Variants in CHMP7 observed in about 807,000 individuals in gnomAD.
CHMP7 encodes the protein CHMP family, member 7.
Under a neutral mutation model 53.7 loss-of-function variants are expected in CHMP7, and 15 were observed. That is an observed-to-expected ratio of 0.28 (90% CI 0.19 to 0.43). The LOEUF (loss-of-function observed/expected upper bound fraction) is 0.43, where lower values mean the gene tolerates loss of function less well. Ranked by LOEUF, CHMP7 falls within the 20% of genes least tolerant of loss-of-function variation. CHMP7 has a pLI of 1.00. For missense variants in CHMP7, 527 were observed against 569.4 expected (o/e 0.93, Z 0.76); for synonymous variants, 261 against 228.0 (o/e 1.14, Z -1.30).
chr8:23,248,897 TG>T (rs1801813317), intron 2 of CHMP7, among the ~76,000 whole-genome samples: 1 of 152,228 alleles, frequency 6.6e-6, no homozygotes, highest in Non-Finnish European at 1.5e-5. Context: ...GTGTTTCTGT[TG>T]CCTTAGTGGA....
intron 3 of CHMP7, among the ~76,000 whole-genome samples, chr8:23,250,620 C>CTGTGTGTGTGTGTG (rs59970101): frequency 5.6e-5 from 8 of 143,298 alleles, no homozygotes; most frequent in African/African-American, 2.1e-4. Context: ...TGATAGGGGC[C>CTGTGTGTGTGTGTG]TGTGTGTGTG....
chr8:23,246,615 A>G lies in CHMP7; in HGVS notation c.-81A>G, dbSNP rs1406306943. 10 of 1,248,558 alleles carry G rather than the reference A, an allele frequency of 8.0e-6. No individual in the cohort carries two copies. The highest frequency in any genetic ancestry group is 1.5e-5 in the African/African-American group (1 of 67,088). 77.3% of individuals were successfully genotyped at this position (1,248,558 alleles called of 1,614,324 possible). A position where few individuals can be genotyped will look rare whatever the true frequency, so the allele number is the denominator to read the frequency against. On this transcript the variant is annotated 5_prime_UTR_variant, in exon 2 of 11. Transcript: ENST00000397677. ...GTGAACGAGAAGGAGGTGGTCAAGG[A>G]ACGGAAGCCGGGAGGGAACGAGGGC... is the stretch of plus-strand genomic sequence containing the variant.
At position 23,260,281 on chromosome 8, in the gene CHMP7, G is replaced by A. The variant is rs1472107196; in HGVS notation, c.1258G>A (p.Glu420Lys). ...SVPNPRISDA[E>K]LEAELEKLSL... is the part of the protein sequence containing the mutation. ...GCCTAACCCTAGGATCTCAGATGCT[G>A]AACTTGAAGCTGAACTTGAGAAACT... Residue 420 changes from glutamate (E) to lysine (K), a missense_variant, in exon 10 of 11, where the codon GAA (glutamate) becomes AAA (lysine). Transcript: ENST00000397677. 6.2e-7 allele frequency: 1 copy of A among 1,614,170 alleles called. No individual in the cohort carries two copies. Among genetic ancestry groups the A allele is most frequent in the Non-Finnish European group, 8.5e-7 (1 of 1,180,014 alleles).
At chr8:23,247,752 T>C (rs1269812864) in intron 2 of CHMP7, among the ~76,000 whole-genome samples, 1 of 152,150 alleles carries the variant, frequency 6.6e-6, no homozygotes, top group Non-Finnish European at 1.5e-5. Flanking sequence ...TCAAGTGACT[T>C]ACTCAGAGTT....
At position 23,255,335 on chromosome 8, in the gene CHMP7, G is replaced by A; in HGVS notation, c.560G>A (p.Cys187Tyr). Residue 187 changes from cysteine (C) to tyrosine (Y), a missense_variant, in exon 4 of 11, where the codon TGT becomes TAT. By Grantham distance (194) the Cys-to-Tyr change is radical (BLOSUM62 -2). Transcript: ENST00000397677. ...VVALSELSTL[C>Y]ANSCPDERTF... ...GCCCTGTCAGAGCTCAGCACCCTCT[G>A]TGCTAACTCCTGCCCAGATGAGAGG... The A allele has an allele frequency of 5.6e-6, 9 of 1,614,192 alleles. No individual in the cohort carries two copies. Among genetic ancestry groups the A allele is most frequent in the Non-Finnish European group, 7.6e-6 (9 of 1,180,040 alleles).
chr8:23,261,753 C>G lies in CHMP7; in HGVS notation c.*1154C>G, dbSNP rs1038128876. 2.0e-5 allele frequency: 3 copies of G among 152,722 alleles called. No individual in the cohort carries two copies. The highest frequency in any genetic ancestry group is 1.9e-4 in the East Asian group (1 of 5,172). The allele number at this position is 152,722 out of a possible 1,614,324, so 9.5% of individuals were successfully genotyped here. On this transcript the variant is annotated 3_prime_UTR_variant, in exon 11 of 11. Transcript: ENST00000397677. ...TCTGGCAATGGCGAGAAGAAGCGAT[C>G]GCCACACTGCCACTCTGCTGCCCAG...
intron 9 of CHMP7, 144 bp downstream of exon 9, chr8:23,259,270 G>A (rs530899492): frequency 2.0e-4 from 95 of 473,492 alleles, no homozygotes; most frequent in East Asian, 5.5e-4. Context: ...CCGGGTTCAC[G>A]CCATTCTCCT....
At chr8:23,249,415 C>T in intron 3 of CHMP7, 34 bp downstream of exon 3, 1 of 1,528,960 alleles carries the variant, frequency 6.5e-7, no homozygotes, top group Non-Finnish European at 8.8e-7. Flanking sequence ...TGGGTGTCAC[C>T]TGGTGTGATC....
chr8:23,258,557 G>A, intron 7 of CHMP7, 108 bp downstream of exon 7: 1 of 1,484,942 alleles, frequency 6.7e-7, no homozygotes, highest in Admixed American at 1.7e-5. Flanking sequence ...TTCGGGATGT[G>A]GCTGGGGTTG....
rs1802357495 is a variant in CHMP7 at position 23,260,845 on chromosome 8, C to CCTGT, written c.*247_*250dup. 1 of 546,982 alleles carries CCTGT rather than the reference C, an allele frequency of 1.8e-6. No homozygotes were observed. Among genetic ancestry groups the CCTGT allele is most frequent in the African/African-American group, 1.9e-5 (1 of 52,930 alleles). The allele number at this position is 546,982 out of a possible 1,614,324, so 33.9% of individuals were successfully genotyped here. ...TTTATAGTGCCACGATTTATACAGTCCTGTGTCTGACCTGTCATTTCATAG... is the reference window on the plus strand; with the variant it reads ...TTTATAGTGCCACGATTTATACAGTCCTGTCTGTGTCTGACCTGTCATTTCATAG... On this transcript the variant is annotated 3_prime_UTR_variant, in exon 11 of 11. Coordinates refer to ENST00000397677, the MANE Select transcript of CHMP7 (RefSeq NM_152272.5).
rs1802133624 is a variant in CHMP7, at chr8:23,256,570, G to A, written c.768G>A (p.Glu256=). 1.2e-6 allele frequency: 2 copies of A among 1,613,902 alleles called. No individual in the cohort carries two copies. Among genetic ancestry groups the A allele is most frequent in the Admixed American group, 1.7e-5 (1 of 59,980 alleles). ...AACAGCTTCTCTCACGCAAAGTGGA[G>A]TCCTTATCCCAGGAAGCAGAGAGGT... is the stretch of plus-strand genomic sequence containing the variant. ...QSEQLLSRKV[E]SLSQEAERCK... Residue 256 remains glutamate, a synonymous_variant, in exon 5 of 11, where the codon GAG becomes GAA. Coordinates refer to ENST00000397677, the MANE Select transcript of CHMP7 (RefSeq NM_152272.5).
intron 1 of CHMP7, among the ~76,000 whole-genome samples, chr8:23,244,921 T>A (rs2128855900): frequency 6.6e-6 from 1 of 152,350 alleles, no homozygotes; most frequent in South Asian, 2.1e-4. Context: ...CATTTTTAAT[T>A]TCATATTCCA....
intron 10 of CHMP7, 21 bp downstream of exon 10, chr8:23,260,344 G>A: frequency 6.2e-7 from 1 of 1,613,280 alleles, no homozygotes; most frequent in Non-Finnish European, 8.5e-7. Context: ...GTTTTCCAAG[G>A]CCTTTGGAGG....
intron 3 of CHMP7, 36 bp downstream of exon 3, chr8:23,249,417 G>A (rs765847402): frequency 9.2e-6 from 14 of 1,523,918 alleles, no homozygotes; most frequent in Middle Eastern, 4.4e-4. Flanking sequence ...GGTGTCACCT[G>A]GTGTGATCAC....
At chr8:23,257,948 A>C (rs2128859985) in intron 5 of CHMP7, 85 bp from the exon 6 acceptor site, 2 of 883,490 alleles carry the variant, frequency 2.3e-6, no homozygotes, top group South Asian at 3.1e-5. Flanking sequence ...AACCACCTTA[A>C]CTGAGTGCTG....
At chr8:23,252,603 A>T (rs1425094966) in intron 3 of CHMP7, 1 of 152,058 alleles carries the variant, frequency 6.6e-6, no homozygotes, top group Non-Finnish European at 1.5e-5. Context: ...CTTACTTTTT[A>T]TTTATGATGT....
At chr8:23,257,953 G>A (rs1802204026) in intron 5 of CHMP7, 80 bp from the exon 6 acceptor site, 1 of 916,006 alleles carries the variant, frequency 1.1e-6, no homozygotes, top group Non-Finnish European at 1.7e-6. Context: ...CCTTAACTGA[G>A]TGCTGCTCTC....
At chr8:23,245,099 C>T (rs1047160766) in intron 1 of CHMP7, among the ~76,000 whole-genome samples, 1 of 152,200 alleles carries the variant, frequency 6.6e-6, no homozygotes, top group African/African-American at 2.4e-5. Context: ...ATTTCTTCCT[C>T]TTCAGTCTGT....
Position 23,246,622 on chromosome 8 carries a change from G to A in CHMP7, c.-74G>A, listed in dbSNP as rs1047504309. The A allele has an allele frequency of 7.5e-5, 98 of 1,312,706 alleles. No homozygotes were observed. Among genetic ancestry groups the A allele is most frequent in the East Asian group, 1.8e-4 (7 of 39,566 alleles). The allele number at this position is 1,312,706 out of a possible 1,614,324, so 81.3% of individuals were successfully genotyped here. On this transcript the variant is annotated 5_prime_UTR_variant, in exon 2 of 11. Coordinates refer to ENST00000397677, the MANE Select transcript of CHMP7 (RefSeq NM_152272.5). ...AGAAGGAGGTGGTCAAGGAACGGAAGCCGGGAGGGAACGAGGGCGGAAGCG... is the reference window on the plus strand; with the variant it reads ...AGAAGGAGGTGGTCAAGGAACGGAAACCGGGAGGGAACGAGGGCGGAAGCG...
Sources: allele counts gnomAD v4.1 joint callset (sites outside exome capture counted in the v4.1 genomes callset), GRCh38; gene constraint gnomAD v4.1.1; transcripts MANE v1.5; gene names NCBI Gene and HGNC (gene_info 2026-07-23, HGNC 2026-07-21).